The following GCNT2 variants were observed in gnomAD, a reference collection of about 807,000 sequenced individuals.
GCNT2 encodes N-acetyllactosaminide beta-1,6-N-acetylglucosaminyl-transferase.
GCNT2 carries 34 observed loss-of-function variants against 34.2 expected under a neutral mutation model. The observed-to-expected ratio is 1.00, with a 90% CI of 0.76 to 1.32. The LOEUF is 1.32. Among genes scored for constraint, GCNT2 ranks in the 40% most tolerant of loss-of-function variants. The pLI is 0.00. For missense variants in GCNT2, 584 were observed against 489.4 expected (o/e 1.19, Z -1.82); for synonymous variants, 212 against 188.0 (o/e 1.13, Z -1.04).
chr6:10,564,815 G>A (rs962515023), intron 3 of GCNT2, among the ~76,000 whole-genome samples: 2 of 152,196 alleles, frequency 1.3e-5, no homozygotes, highest in African/African-American at 4.8e-5. Context: ...GGAGCAACCA[G>A]ACACTTTGCT....
intron 4 of GCNT2, among the ~76,000 whole-genome samples, chr6:10,623,818 T>A (rs1042604146): frequency 6.6e-6 from 1 of 152,212 alleles, no homozygotes; most frequent in Non-Finnish European, 1.5e-5. Flanking sequence ...TTGGTTTGAA[T>A]TGGGATTTCC....
chr6:10,623,044 C>T (rs1165624140), intron 4 of GCNT2, among the ~76,000 whole-genome samples: 2 of 151,944 alleles, frequency 1.3e-5, no homozygotes, highest in Admixed American at 6.6e-5. Flanking sequence ...TGAGCTACTG[C>T]GCCCGGCCCC....
chr6:10,530,805 A>C (rs892549593), intron 3 of GCNT2, among the ~76,000 whole-genome samples: 4 of 152,168 alleles, frequency 2.6e-5, no homozygotes, highest in African/African-American at 9.7e-5. Flanking sequence ...CTGTAATCCC[A>C]GCACTTTGGG....
intron 3 of GCNT2, among the ~76,000 whole-genome samples, chr6:10,613,196 T>C (rs1050163528): frequency 6.6e-6 from 1 of 152,296 alleles, no homozygotes; most frequent in Admixed American, 6.5e-5. Context: ...AAATAAAGCT[T>C]GCATTTCAAA....
chr6:10,614,078 T>C (rs1188536814), intron 3 of GCNT2, among the ~76,000 whole-genome samples: 2 of 152,128 alleles, frequency 1.3e-5, no homozygotes, highest in African/African-American at 4.8e-5. Context: ...CCAAGCCAAA[T>C]TAAATTACTT....
chr6:10,557,224 A>G, intron 3 of GCNT2: 1 of 1,592,544 alleles, frequency 6.3e-7, no homozygotes, highest in Non-Finnish European at 8.5e-7. Context: ...ATGTGGCTCT[A>G]TCAAGAGAGT....
chr6:10,596,764 A>G (rs1581463643), intron 3 of GCNT2, among the ~76,000 whole-genome samples: 2 of 151,680 alleles, frequency 1.3e-5, no homozygotes, highest in East Asian at 1.9e-4. Context: ...AGTCCAAAGT[A>G]TGTTTGAATA....
At chr6:10,548,200 C>T (rs998441244) in intron 3 of GCNT2, among the ~76,000 whole-genome samples, 3 of 152,188 alleles carry the variant, frequency 2.0e-5, no homozygotes, top group African/African-American at 7.2e-5. Flanking sequence ...ACTCCATGCA[C>T]TCCAGCCTGG....
At chr6:10,553,452 A>G (rs1460520388) in intron 3 of GCNT2, among the ~76,000 whole-genome samples, 1 of 152,192 alleles carries the variant, frequency 6.6e-6, no homozygotes, top group Non-Finnish European at 1.5e-5. Flanking sequence ...AAGCCAAGAG[A>G]TGCTGAGCAC....
At chr6:10,596,090 T>A (rs1764839366) in intron 3 of GCNT2, among the ~76,000 whole-genome samples, 1 of 152,222 alleles carries the variant, frequency 6.6e-6, no homozygotes, top group Non-Finnish European at 1.5e-5. Context: ...GTAAAAATAT[T>A]TTTATCCAAC....
chr6:10,566,599 A>G (rs1561805087), intron 3 of GCNT2, among the ~76,000 whole-genome samples: 1 of 152,186 alleles, frequency 6.6e-6, no homozygotes, highest in Non-Finnish European at 1.5e-5. Flanking sequence ...CAACCATATC[A>G]GTTTTGCAGT....
chr6:10,588,902 G>GTGTGTGTT (rs749605485), intron 3 of GCNT2, among the ~76,000 whole-genome samples: 64 of 123,340 alleles, frequency 5.2e-4, no homozygotes, highest in African/African-American at 6.9e-4. Context: ...TGTGTGTTGT[G>GTGTGTGTT]TGGTGTGTGT....
At chr6:10,538,018 G>A (rs1326730717) in intron 3 of GCNT2, among the ~76,000 whole-genome samples, 3 of 151,978 alleles carry the variant, frequency 2.0e-5, no homozygotes, top group Non-Finnish European at 4.4e-5. Context: ...GTATCCTACC[G>A]CACCTCGTTA....
At chr6:10,570,709 C>T (rs777189957) in intron 3 of GCNT2, among the ~76,000 whole-genome samples, 1 of 152,198 alleles carries the variant, frequency 6.6e-6, no homozygotes, top group South Asian at 2.1e-4. Context: ...GAAAAAGGCC[C>T]TCCTGCCTTA....
intron 3 of GCNT2, chr6:10,585,685 A>G (rs956150418): frequency 7.9e-6 from 7 of 882,894 alleles, no homozygotes; most frequent in Non-Finnish European, 1.1e-5. Context: ...GTAAATGAGG[A>G]GGCTTCCTAG....
At chr6:10,585,078 TGCGC>T (rs61114451) in intron 3 of GCNT2, among the ~76,000 whole-genome samples, 1 of 87,310 alleles carries the variant, frequency 1.1e-5, no homozygotes, top group Non-Finnish European at 2.3e-5. Context: ...TGTGTGTGTG[TGCGC>T]GCTATATTCT....
intron 3 of GCNT2, among the ~76,000 whole-genome samples, chr6:10,616,393 G>A (rs1292003260): frequency 1.3e-5 from 2 of 152,106 alleles, no homozygotes; most frequent in African/African-American, 4.8e-5. Flanking sequence ...ACCTAAACAG[G>A]GTACCGCTGT....
At chr6:10,604,185 C>CCACA (rs1765213419) in intron 3 of GCNT2, among the ~76,000 whole-genome samples, 1 of 152,124 alleles carries the variant, frequency 6.6e-6, no homozygotes, top group African/African-American at 2.4e-5. Context: ...ACGTGAGCCA[C>CCACA]CGCGCCCAGC....
At chr6:10,554,305 T>C (rs375896611) in intron 3 of GCNT2, among the ~76,000 whole-genome samples, 32 of 152,186 alleles carry the variant, frequency 2.1e-4, no homozygotes, top group Non-Finnish European at 8.8e-5. Flanking sequence ...ACAAAAGAGC[T>C]GGGAGGAAAA....
Sources: gnomAD v4.1 joint callset for allele counts (sites outside exome capture counted in the v4.1 genomes callset) on GRCh38, gnomAD v4.1.1 for gene constraint, MANE v1.5 for transcripts, NCBI Gene and HGNC (gene_info 2026-07-23, HGNC 2026-07-21) for gene names.